Variants in SUGCT observed in about 807,000 individuals in gnomAD.
SUGCT encodes the protein succinyl-CoA:glutarate-CoA transferase, also known as succinyl-CoA:glutarate CoA-transferase.
Under a neutral mutation model 55.0 loss-of-function variants are expected in SUGCT, and 41 were observed. The observed-to-expected ratio is 0.74, with a 90% CI of 0.58 to 0.97. SUGCT has a LOEUF of 0.97. SUGCT is among the 50% of genes least tolerant of loss of function. The pLI is 0.00. For synonymous variants in SUGCT, 187 were observed against 200.4 expected (o/e 0.93, Z 0.56); for missense variants, 568 against 547.8 (o/e 1.04, Z -0.37).
At chr7:40,704,041 A>G (rs1785284542) in intron 12 of SUGCT, among the ~76,000 whole-genome samples, 1 of 152,224 alleles carries the variant, frequency 6.6e-6, no homozygotes, top group Non-Finnish European at 1.5e-5. Flanking sequence ...AGAGAAAAGT[A>G]AAACTTGTCC....
chr7:40,616,820 T>A (rs1799028185), intron 12 of SUGCT, among the ~76,000 whole-genome samples: 1 of 152,212 alleles, frequency 6.6e-6, no homozygotes, highest in East Asian at 1.9e-4. Flanking sequence ...AGTAGCATTT[T>A]GGTCTGAATG....
In SUGCT at chr7:40,565,524, A is replaced by T. The variant is rs530907640; in HGVS notation, c.1089+69138A>T. Among the ~76,000 whole-genome samples, 13 of 152,208 alleles carry T rather than the reference A, an allele frequency of 8.5e-5. No individual in the cohort carries two copies. The East Asian group carries it at 2.3e-3, about 27-fold the overall frequency. On this transcript the variant is annotated intron_variant, in intron 12 of 13. Coordinates refer to ENST00000335693, the MANE Select transcript of SUGCT (RefSeq NM_001193313.2). ...ATTGCACATCGTTTATATACTAGGT[A>T]TTGTTTTCAGCATTGTGCTTTACTT...
At chr7:40,468,377 C>T (rs1790233516) in intron 11 of SUGCT, among the ~76,000 whole-genome samples, 1 of 152,052 alleles carries the variant, frequency 6.6e-6, no homozygotes, top group Non-Finnish European at 1.5e-5. Flanking sequence ...ATCTGTGTCA[C>T]CTTCCTTGGC....
At chr7:40,992,489 G>A in the SUGCT span, among the ~76,000 whole-genome samples, 1 of 152,048 alleles carries the variant, frequency 6.6e-6, no homozygotes, top group Non-Finnish European at 1.5e-5. Flanking sequence ...TGAAAACACA[G>A]CCCATTGTAG....
intron 11 of SUGCT, among the ~76,000 whole-genome samples, 164 bp downstream of exon 11, chr7:40,459,362 TG>T (rs1322494771): frequency 6.6e-6 from 1 of 152,146 alleles, no homozygotes; most frequent in Non-Finnish European, 1.5e-5. Context: ...GGGGTTTTTT[TG>T]TTTGTTTGTT....
chr7:40,879,166 C>T, the SUGCT span, among the ~76,000 whole-genome samples: 24 of 152,202 alleles, frequency 1.6e-4, no homozygotes, highest in East Asian at 7.7e-4. Context: ...TTTTGTCTAC[C>T]GATGACTTCC....
Position 40,314,544 on chromosome 7 carries a change from T to C in SUGCT, c.721-2216T>C, listed in dbSNP as rs181479254. ...GGGGTGTCAAGGGAAATAACTCCTATTGCATCCCTTGTGTCTTTTTTTTTT... is the reference window on the plus strand; with the variant it reads ...GGGGTGTCAAGGGAAATAACTCCTACTGCATCCCTTGTGTCTTTTTTTTTT... On this transcript the variant is annotated intron_variant, in intron 8 of 13. Coordinates refer to ENST00000335693, the MANE Select transcript of SUGCT (RefSeq NM_001193313.2). Among the ~76,000 whole-genome samples the C allele has an allele frequency of 3.3e-5, 5 of 149,702 alleles. No homozygotes were observed. In the East Asian group the frequency reaches 7.9e-4, roughly 24 times the overall value.
intron 13 of SUGCT, among the ~76,000 whole-genome samples, chr7:40,754,225 C>T (rs1170960379): frequency 6.6e-6 from 1 of 152,104 alleles, no homozygotes; most frequent in Non-Finnish European, 1.5e-5. Flanking sequence ...AATGAACTAT[C>T]AATGGGTGTA....
the SUGCT span, among the ~76,000 whole-genome samples, chr7:40,953,182 C>G: frequency 5.9e-5 from 9 of 152,284 alleles, no homozygotes; most frequent in Middle Eastern, 3.4e-3. Flanking sequence ...AACTTCTCTT[C>G]TCGCTTCATT....
chr7:40,479,787 T>C lies in SUGCT; in HGVS notation c.987-16497T>C, dbSNP rs571646494. Among the ~76,000 whole-genome samples, 139 of 152,296 alleles carry C rather than the reference T, an allele frequency of 9.1e-4. 1 individual carries two copies. The highest frequency in any genetic ancestry group is 2.2e-3 in the Admixed American group (33 of 15,288). On this transcript the variant is annotated intron_variant, in intron 11 of 13. Coordinates refer to ENST00000335693, the MANE Select transcript of SUGCT (RefSeq NM_001193313.2). ...TGACATAGCGAAGTTGAGCACCTTT[T>C]TATATATCTGTTGGTCATTTGTACG... is the stretch of plus-strand genomic sequence containing the variant.
chr7:40,759,099 T>C (rs973690248), intron 13 of SUGCT, among the ~76,000 whole-genome samples: 9 of 152,292 alleles, frequency 5.9e-5, no homozygotes, highest in African/African-American at 2.2e-4. Flanking sequence ...AAAGAAGCAC[T>C]ACCCTCCGTA....
chr7:40,737,924 CA>C (rs201968401), intron 12 of SUGCT, among the ~76,000 whole-genome samples: 1 of 144,730 alleles, frequency 6.9e-6, no homozygotes, highest in African/African-American at 2.6e-5. Context: ...AACTCCGTCT[CA>C]AAAAAAACAA....
At chr7:40,531,965 C>T (rs113476626) in intron 12 of SUGCT, among the ~76,000 whole-genome samples, 10 of 152,330 alleles carry the variant, frequency 6.6e-5, no homozygotes, top group Middle Eastern at 3.4e-3. Context: ...TGAGCCACCG[C>T]GCCCGGCCAT....
intron 12 of SUGCT, among the ~76,000 whole-genome samples, chr7:40,744,507 C>A (rs1040102734): frequency 1.3e-5 from 2 of 151,762 alleles, no homozygotes; most frequent in Admixed American, 6.6e-5. Context: ...TCAAATAAAG[C>A]TTTTCCATTT....
chr7:40,506,533 G>C (rs973766157), intron 12 of SUGCT, among the ~76,000 whole-genome samples: 24 of 152,050 alleles, frequency 1.6e-4, no homozygotes, highest in African/African-American at 5.6e-4. Flanking sequence ...TGGACGTATT[G>C]TTTATACAAT....
chr7:40,640,056 G>C (rs1413850907), intron 12 of SUGCT, among the ~76,000 whole-genome samples: 1 of 152,134 alleles, frequency 6.6e-6, no homozygotes, highest in Admixed American at 6.6e-5. Context: ...TAAGGCACTT[G>C]CTAGAACTCA....
intron 11 of SUGCT, among the ~76,000 whole-genome samples, chr7:40,493,982 A>G (rs1315414973): frequency 6.6e-6 from 1 of 152,204 alleles, no homozygotes; most frequent in African/African-American, 2.4e-5. Flanking sequence ...CAAAGACGCA[A>G]ACAGTGGTCA....
At chr7:40,198,454 C>T (rs1786409794) in intron 6 of SUGCT, among the ~76,000 whole-genome samples, 1 of 152,182 alleles carries the variant, frequency 6.6e-6, no homozygotes, top group African/African-American at 2.4e-5. Flanking sequence ...AAGTCATGAA[C>T]AAATTTATTA....
rs1019084163 is a variant in SUGCT, at chr7:40,445,933, A to G, written c.817-3354A>G. ...GTTGCCATGAGTTCTTCACTTTTCA[A>G]TGATCATTGACTAGTTACCTTTGCA... On this transcript the variant is annotated intron_variant, in intron 9 of 13. Coordinates refer to ENST00000335693, the MANE Select transcript of SUGCT (RefSeq NM_001193313.2). 1.5e-4 allele frequency among the ~76,000 whole-genome samples: 23 copies of G among 152,050 alleles called. 1 individual carries two copies. The highest frequency in any genetic ancestry group is 2.9e-4 in the Non-Finnish European group (20 of 67,962).
Sources: allele counts gnomAD v4.1 joint callset (sites outside exome capture counted in the v4.1 genomes callset), GRCh38; gene constraint gnomAD v4.1.1; transcripts MANE v1.5; gene names NCBI Gene and HGNC (gene_info 2026-07-23, HGNC 2026-07-21).